CDH26: variants seen among roughly 807,000 people sequenced by gnomAD.
The protein encoded by CDH26 is cadherin-like protein 26.
A neutral mutation model predicts 90.3 loss-of-function variants in CDH26; 83 were observed. The observed-to-expected ratio is 0.92, with a 90% CI of 0.77 to 1.10. The LOEUF (loss-of-function observed/expected upper bound fraction) is 1.10. Among genes scored for constraint, CDH26 ranks in the 50% least tolerant of loss-of-function variants. The probability of loss-of-function intolerance (pLI) is 0.00; values close to 1 mark genes in which losing one functional copy is unlikely to be tolerated. For missense variants in CDH26, 1,013 were observed against 1,037.6 expected, an observed-to-expected ratio of 0.98 and a Z score of 0.33; for synonymous variants, 397 against 396.3, an observed-to-expected ratio of 1.00 and a Z score of -0.02.
chr20:59,967,905 C>CTTCCT lies in CDH26; in HGVS notation c.70-1037_70-1033dup, dbSNP rs749471979. Among the ~76,000 whole-genome samples the CTTCCT allele has an allele frequency of 5.5e-4, 62 of 112,154 alleles. 3 individuals carry two copies. Among genetic ancestry groups the CTTCCT allele is most frequent in the East Asian group, 1.6e-3 (7 of 4,340 alleles). The allele number at this position is 112,154 out of a possible 152,430, so 73.6% of individuals were successfully genotyped here. The stretch of plus-strand genomic sequence containing the variant: ...CCTTCCTTCCTTCCTTCCTTCCTTC[C>CTTCCT]TTCCTTTCCTTTCCTTTCCTTTCCT... On this transcript the variant is annotated intron_variant, in intron 1 of 17. Coordinates refer to ENST00000348616, the MANE Select transcript of CDH26 (RefSeq NM_177980.4).
At chr20:60,026,390 T>TAGAGAGAGAGAGAGAGAGAG (rs60922926) in intron 7 of CDH26, among the ~76,000 whole-genome samples, 12 of 139,270 alleles carry the variant, frequency 8.6e-5, no homozygotes, top group South Asian at 7.4e-4. Context: ...TGGCTGGAGT[T>TAGAGAGAGAGAGAGAGAGAG]AGAGAGAGAG....
At chr20:59,969,336 C>T (rs901308107) in intron 2 of CDH26, among the ~76,000 whole-genome samples, 1 of 152,166 alleles carries the variant, frequency 6.6e-6, no homozygotes, top group Non-Finnish European at 1.5e-5. Flanking sequence ...TTTTCCATTG[C>T]AGCAGTCATG....
intron 7 of CDH26, among the ~76,000 whole-genome samples, chr20:60,025,710 CCT>C (rs2061991763): frequency 6.6e-6 from 1 of 152,160 alleles, no homozygotes; most frequent in African/African-American, 2.4e-5. Flanking sequence ...TTAAAAACTT[CCT>C]CTCTCAGCCC....
downstream of CDH26, among the ~76,000 whole-genome samples, chr20:60,015,655 T>C (rs2061899559): frequency 6.6e-6 from 1 of 152,232 alleles, no homozygotes; most frequent in East Asian, 1.9e-4. Context: ...ATTTTTGCTT[T>C]TGTTGTCTAT....
At chr20:60,029,373 C>G (rs1301295342) in intron 7 of CDH26, among the ~76,000 whole-genome samples, 1 of 152,036 alleles carries the variant, frequency 6.6e-6, no homozygotes, top group East Asian at 1.9e-4. Flanking sequence ...AACGTAGCAT[C>G]TATAGTCAAC....
In CDH26 at chr20:59,987,628, A is replaced by G. The variant is rs952611463; in HGVS notation, c.1013A>G (p.Asn338Ser). 5.6e-6 allele frequency: 9 copies of G among 1,611,940 alleles called. No homozygotes were observed. Among genetic ancestry groups the G allele is most frequent in the Non-Finnish European group, 7.6e-6 (9 of 1,178,926 alleles). Residue 338 changes from asparagine to serine, a missense_variant, in exon 8 of 18, where the codon AAT becomes AGT. Coordinates refer to ENST00000348616, the MANE Select transcript of CDH26 (RefSeq NM_177980.4). ...TDPETNEGIL[N>S]VIKPLDYETR... ...CCTGAGACCAACGAAGGGATATTAA[A>G]TGTTATCAAGGTAACACCATACCGG... is the stretch of plus-strand genomic sequence containing the variant.
At chr20:59,961,692 A>G (rs184050779) in intron 1 of CDH26, among the ~76,000 whole-genome samples, 1 of 152,066 alleles carries the variant, frequency 6.6e-6, no homozygotes, top group African/African-American at 2.4e-5. Context: ...TTTCTTTGTC[A>G]TTTGGCCATG....
At chr20:60,021,859 C>CACACACACACACACACACAT (rs1569068553) in intron 7 of CDH26, among the ~76,000 whole-genome samples, 4 of 68,224 alleles carry the variant, frequency 5.9e-5, no homozygotes, top group Non-Finnish European at 1.4e-4. Flanking sequence ...TACACACACA[C>CACACACACACACACACACAT]ACACACACAC....
intron 1 of CDH26, among the ~76,000 whole-genome samples, chr20:59,965,974 A>C (rs1331078595): frequency 1.3e-5 from 2 of 152,222 alleles, no homozygotes; most frequent in Non-Finnish European, 2.9e-5. Context: ...TAAAATTAAA[A>C]AGAAACTATT....
chr20:59,983,417 G>A (rs1459264959), intron 5 of CDH26, among the ~76,000 whole-genome samples: 1 of 152,124 alleles, frequency 6.6e-6, no homozygotes, highest in Admixed American at 6.5e-5. Context: ...CACATCTATA[G>A]CCTCCGAGTT....
At chr20:59,987,040 G>A (rs2061467937) in intron 7 of CDH26, among the ~76,000 whole-genome samples, 1 of 152,156 alleles carries the variant, frequency 6.6e-6, no homozygotes, top group African/African-American at 2.4e-5. Flanking sequence ...ATCTACATGT[G>A]TTAGAAAAAT....
At chr20:60,016,252 G>A (rs1050146311), downstream of CDH26, among the ~76,000 whole-genome samples, 3 of 152,102 alleles carry the variant, frequency 2.0e-5, no homozygotes, top group African/African-American at 7.2e-5. Context: ...TGATCCATGG[G>A]CATGAAATGT....
At chr20:59,987,997 GTTCT>G (rs1169998955) in intron 8 of CDH26, among the ~76,000 whole-genome samples, 2 of 152,112 alleles carry the variant, frequency 1.3e-5, no homozygotes, top group African/African-American at 4.8e-5. Context: ...AACACTAAAA[GTTCT>G]TTCTTTTCAT....
At chr20:59,997,072 T>C (rs1208398972) in intron 13 of CDH26, among the ~76,000 whole-genome samples, 2 of 152,242 alleles carry the variant, frequency 1.3e-5, no homozygotes, top group Non-Finnish European at 2.9e-5. Flanking sequence ...GAGATGCTGC[T>C]AAACAGCCTA....
At chr20:59,973,339 CTTG>C (rs200939309) in intron 4 of CDH26, among the ~76,000 whole-genome samples, 31 of 152,272 alleles carry the variant, frequency 2.0e-4, no homozygotes, top group Admixed American at 1.8e-3. Context: ...TCAGTGCTCA[CTTG>C]TTGTTGTTGC....
chr20:59,967,951 CTTTCTATCTTTCTTTCTT>C (rs1569024698), intron 1 of CDH26, among the ~76,000 whole-genome samples: 11 of 83,952 alleles, frequency 1.3e-4, no homozygotes, highest in African/African-American at 7.4e-4. Context: ...TTCTTTCTTT[CTTTCTATCTTTCTTTCTT>C]TCTTTCTTTC....
chr20:60,018,533 G>T (rs2055564438), downstream of CDH26, among the ~76,000 whole-genome samples: 1 of 151,640 alleles, frequency 6.6e-6, no homozygotes, highest in Non-Finnish European at 1.5e-5. Context: ...GCATATAGTT[G>T]GGTTATTTTA....
In CDH26 at chr20:59,958,661, T is replaced by C; in HGVS notation, c.-66T>C. On this transcript the variant is annotated 5_prime_UTR_variant, in exon 1 of 18. Transcript: ENST00000348616. The stretch of plus-strand genomic sequence containing the variant: ...CTGAGAAGGAGGTGTGTGGCTCCGG[T>C]GAGACCACCAGCTTGGAGGACTGGT... The C allele has an allele frequency of 6.6e-7, 1 of 1,510,700 alleles. No individual in the cohort carries two copies. The highest frequency in any genetic ancestry group is 9.2e-7 in the Non-Finnish European group (1 of 1,087,200). 93.6% of individuals were successfully genotyped at this position (1,510,700 alleles called of 1,614,324 possible).
At chr20:59,989,242 A>G in intron 9 of CDH26, 79 bp downstream of exon 9, 1 of 1,575,414 alleles carries the variant, frequency 6.3e-7, no homozygotes, top group Non-Finnish European at 8.6e-7. Flanking sequence ...TTAGAAAACC[A>G]GCTCGGCCGG....
Sources: allele counts gnomAD v4.1 joint callset (sites outside exome capture counted in the v4.1 genomes callset), GRCh38; gene constraint gnomAD v4.1.1; transcripts MANE v1.5; gene names NCBI Gene and HGNC (gene_info 2026-07-23, HGNC 2026-07-21).